Variants in AUTS2 observed in about 807,000 individuals in gnomAD.
AUTS2 encodes activator of transcription and developmental regulator AUTS2.
In AUTS2, 17 loss-of-function variants were observed where a neutral mutation model predicts 112.4. The observed-to-expected ratio is 0.15, with a 90% CI of 0.10 to 0.23. The LOEUF is 0.23. Among genes scored for constraint, AUTS2 ranks in the 10% least tolerant of loss-of-function variants. AUTS2 has a pLI of 1.00. For missense variants in AUTS2, 1,510 were observed against 1,701.6 expected, an observed-to-expected ratio of 0.89 and a Z score of 1.98; for synonymous variants, 751 against 702.7, an observed-to-expected ratio of 1.07 and a Z score of -1.09.
chr7:70,786,350 G>A (rs79049250), intron 17 of AUTS2, among the ~76,000 whole-genome samples: 480 of 152,298 alleles, frequency 3.2e-3, no homozygotes, highest in African/African-American at 0.011. Context: ...TTTGGCTGCA[G>A]CTCACATTAC....
chr7:70,297,679 C>T (rs1789009820), intron 4 of AUTS2, among the ~76,000 whole-genome samples: 1 of 152,022 alleles, frequency 6.6e-6, no homozygotes, highest in Non-Finnish European at 1.5e-5. Context: ...CGTGATCCTC[C>T]CGCCTCAGCC....
chr7:69,698,772 T>A (rs1357403585), intron 1 of AUTS2, among the ~76,000 whole-genome samples: 1 of 152,276 alleles, frequency 6.6e-6, no homozygotes, highest in East Asian at 1.9e-4. Context: ...GCTTTTGGGT[T>A]CAAATTTACT....
chr7:70,724,916 T>G (rs1374273286), intron 6 of AUTS2, among the ~76,000 whole-genome samples: 1 of 151,870 alleles, frequency 6.6e-6, no homozygotes, highest in African/African-American at 2.4e-5. Context: ...GGGGAGGGAG[T>G]GAGTTTGAGA....
At chr7:70,108,783 CAAAAAAAAAAAAAA>C (rs528009205) in intron 2 of AUTS2, among the ~76,000 whole-genome samples, 138 of 69,184 alleles carry the variant, frequency 2.0e-3, no homozygotes, top group African/African-American at 4.6e-3. Flanking sequence ...GCCAACATGG[CAAAAAAAAAAAAAA>C]AAAAAAAAAA....
chr7:70,414,417 A>C (rs1198650606), intron 4 of AUTS2, among the ~76,000 whole-genome samples: 1 of 152,154 alleles, frequency 6.6e-6, no homozygotes, highest in Non-Finnish European at 1.5e-5. Flanking sequence ...GCAGAATTGG[A>C]ATTTTTTTAC....
chr7:69,938,563 A>G (rs1182938399), intron 2 of AUTS2, among the ~76,000 whole-genome samples: 1 of 152,230 alleles, frequency 6.6e-6, no homozygotes, highest in Non-Finnish European at 1.5e-5. Context: ...CCCTGAACCC[A>G]AAACTAAACA....
intron 2 of AUTS2, 104 bp downstream of exon 2, chr7:69,899,602 G>A: frequency 9.1e-7 from 1 of 1,096,046 alleles, no homozygotes; most frequent in Non-Finnish European, 1.3e-6. Context: ...TATCCTTGGT[G>A]GGATGCTGAA....
chr7:69,668,301 G>GA (rs1354216618), intron 1 of AUTS2, among the ~76,000 whole-genome samples: 1 of 152,206 alleles, frequency 6.6e-6, no homozygotes, highest in Non-Finnish European at 1.5e-5. Context: ...ATATCATGAA[G>GA]AAAGTTATGA....
chr7:69,990,065 C>A (rs1310398384), intron 2 of AUTS2, among the ~76,000 whole-genome samples: 1 of 152,112 alleles, frequency 6.6e-6, no homozygotes, highest in African/African-American at 2.4e-5. Flanking sequence ...CGCTGACATA[C>A]AAGAAGAGTA....
At chr7:69,851,292 C>A (rs1016097740) in intron 1 of AUTS2, among the ~76,000 whole-genome samples, 6 of 152,178 alleles carry the variant, frequency 3.9e-5, no homozygotes, top group African/African-American at 1.4e-4. Context: ...ATTCCTCTTA[C>A]TGTATTCTTT....
chr7:69,942,151 C>T (rs1302035056), intron 2 of AUTS2, among the ~76,000 whole-genome samples: 4 of 152,138 alleles, frequency 2.6e-5, no homozygotes, highest in African/African-American at 7.2e-5. Flanking sequence ...TCAGCATGCA[C>T]AGTTGTTTTC....
intron 4 of AUTS2, among the ~76,000 whole-genome samples, chr7:70,205,805 C>T (rs1219949504): frequency 2.0e-5 from 3 of 152,130 alleles, no homozygotes; most frequent in Non-Finnish European, 4.4e-5. Flanking sequence ...TAAACTAAGG[C>T]CTTTGACCAG....
chr7:70,171,124 C>T (rs577341830), intron 4 of AUTS2, among the ~76,000 whole-genome samples: 42 of 152,234 alleles, frequency 2.8e-4, no homozygotes, highest in African/African-American at 9.9e-4. Context: ...CACTGTATGG[C>T]TAAACTGACT....
At chr7:70,031,708 A>G (rs1800788622) in intron 2 of AUTS2, among the ~76,000 whole-genome samples, 1 of 152,140 alleles carries the variant, frequency 6.6e-6, no homozygotes, top group African/African-American at 2.4e-5. Flanking sequence ...GTGATGCTCT[A>G]ATTTTTGCCT....
At chr7:69,636,141 T>TA (rs1484926668) in intron 1 of AUTS2, among the ~76,000 whole-genome samples, 18 of 152,230 alleles carry the variant, frequency 1.2e-4, no homozygotes, top group Non-Finnish European at 2.1e-4. Flanking sequence ...TTTTCTAATT[T>TA]AAAAAAACTT....
intron 5 of AUTS2, among the ~76,000 whole-genome samples, chr7:70,539,177 A>G (rs1161317442): frequency 2.0e-5 from 3 of 151,998 alleles, no homozygotes; most frequent in Non-Finnish European, 4.4e-5. Context: ...CTAAGAATCC[A>G]TTTCCTTCTT....
chr7:69,883,203 A>T (rs780818845), intron 1 of AUTS2, among the ~76,000 whole-genome samples: 4 of 152,146 alleles, frequency 2.6e-5, no homozygotes, highest in Non-Finnish European at 4.4e-5. Flanking sequence ...TATGGTGGGA[A>T]GTAATCTAAG....
rs192723761 is a variant in AUTS2 at position 70,383,041 on chromosome 7, G to C, written c.661-52711G>C. ...ATCAAATTCTACCTTTTTTCATGTTGATATATTCTGATGCTCTTTTAATGT... is the reference window on the plus strand; with the variant it reads ...ATCAAATTCTACCTTTTTTCATGTTCATATATTCTGATGCTCTTTTAATGT... On this transcript the variant is annotated intron_variant, in intron 4 of 18. Coordinates refer to ENST00000342771, the MANE Select transcript of AUTS2 (RefSeq NM_015570.4). Among the ~76,000 whole-genome samples, 4 of 152,136 alleles carry C rather than the reference G, an allele frequency of 2.6e-5. No homozygotes were observed. In the East Asian group the frequency reaches 7.7e-4, roughly 29 times the overall value.
intron 4 of AUTS2, among the ~76,000 whole-genome samples, chr7:70,295,476 A>C (rs938014656): frequency 6.6e-6 from 1 of 152,066 alleles, no homozygotes; most frequent in East Asian, 1.9e-4. Flanking sequence ...GTCCTTTATA[A>C]ATTTTGATTT....
Sources: gnomAD v4.1 joint callset for allele counts (sites outside exome capture counted in the v4.1 genomes callset) on GRCh38, gnomAD v4.1.1 for gene constraint, MANE v1.5 for transcripts, NCBI Gene and HGNC (gene_info 2026-07-23, HGNC 2026-07-21) for gene names.